Variants in SLC44A5 observed in about 807,000 individuals in gnomAD.
SLC44A5 encodes the protein solute carrier family 44 member 5.
A neutral mutation model predicts 101.8 loss-of-function variants in SLC44A5; 57 were observed. The ratio of observed to expected loss-of-function variants is 0.56; its 90% confidence interval spans 0.45 to 0.70. SLC44A5 has a LOEUF of 0.70. SLC44A5 is among the 30% of genes least tolerant of loss of function. SLC44A5 has a pLI of 0.00. For missense variants in SLC44A5, 737 were observed against 853.1 expected, an observed-to-expected ratio of 0.86 and a Z score of 1.70; for synonymous variants, 281 against 290.9, an observed-to-expected ratio of 0.97 and a Z score of 0.35.
At chr1:75,568,729 G>A (rs369156442) in intron 1 of SLC44A5, among the ~76,000 whole-genome samples, 24 of 152,132 alleles carry the variant, frequency 1.6e-4, no homozygotes, top group African/African-American at 5.1e-4. Context: ...CTGCAATAGC[G>A]TCTTCCTTAC....
At chr1:75,575,772 T>C (rs145210298) in intron 1 of SLC44A5, among the ~76,000 whole-genome samples, 5 of 152,160 alleles carry the variant, frequency 3.3e-5, no homozygotes, top group African/African-American at 4.8e-5. Flanking sequence ...GACAAAAGAA[T>C]ACCTAAACAG....
At chr1:75,218,418 G>A (rs1647006045) in intron 17 of SLC44A5, 72 bp downstream of exon 17, 4 of 1,550,256 alleles carry the variant, frequency 2.6e-6, no homozygotes, top group Non-Finnish European at 3.5e-6. Context: ...TTGAATTAAT[G>A]AGCCAAGACT....
intron 1 of SLC44A5, among the ~76,000 whole-genome samples, chr1:75,550,440 G>A (rs1671875502): frequency 6.6e-6 from 1 of 152,034 alleles, no homozygotes; most frequent in Admixed American, 6.6e-5. Flanking sequence ...TTTTGGGGGT[G>A]AGGAAGATGT....
In SLC44A5 at chr1:75,497,259, G is replaced by GA. The variant is rs1264379639; in HGVS notation, c.13+44175dup. 1.6e-4 allele frequency among the ~76,000 whole-genome samples: 25 copies of GA among 151,806 alleles called. No homozygotes were observed. The South Asian group carries it at 3.1e-3, about 19-fold the overall frequency. On this transcript the variant is annotated intron_variant, in intron 2 of 23. Transcript: ENST00000370859. ...TAAGTGTCTATAGACTGATGAATGGGAAAAAAAATTGCCGTGTGTGTGTGT... is the reference window on the plus strand; with the variant it reads ...TAAGTGTCTATAGACTGATGAATGGGAAAAAAAAATTGCCGTGTGTGTGTGT...
intron 1 of SLC44A5, among the ~76,000 whole-genome samples, chr1:75,570,243 T>G (rs912710815): frequency 8.5e-5 from 13 of 152,094 alleles, no homozygotes; most frequent in Non-Finnish European, 1.5e-4. Context: ...AATGACAGGA[T>G]GTAAGTAACT....
rs200770805 is a variant in SLC44A5 at position 75,387,045 on chromosome 1, A to C, written c.52+9538T>G. 3.3e-5 allele frequency among the ~76,000 whole-genome samples: 5 copies of C among 152,108 alleles called. No individual in the cohort carries two copies. In the East Asian group the frequency reaches 9.6e-4, roughly 29 times the overall value. On this transcript the variant is annotated intron_variant, in intron 3 of 23. Coordinates refer to ENST00000370859, the MANE Select transcript of SLC44A5 (RefSeq NM_001130058.2). Reference sequence around the variant, plus strand: ...AAACTGGATCCCTTCCTTACACCTTATACAAAAATCAATTCAAGATGGATT... The same window carrying C: ...AAACTGGATCCCTTCCTTACACCTTCTACAAAAATCAATTCAAGATGGATT...
At chr1:75,366,393 C>T (rs1018142389) in intron 3 of SLC44A5, among the ~76,000 whole-genome samples, 1 of 152,100 alleles carries the variant, frequency 6.6e-6, no homozygotes, top group African/African-American at 2.4e-5. Flanking sequence ...CCATTGGCAG[C>T]CTCATTAAAG....
chr1:75,624,696 C>A, the SLC44A5 span, among the ~76,000 whole-genome samples: 1 of 152,114 alleles, frequency 6.6e-6, no homozygotes. Flanking sequence ...AGCTAAACTT[C>A]TTCCACTAGA....
chr1:75,682,335 C>A, the SLC44A5 span, among the ~76,000 whole-genome samples: 24 of 152,096 alleles, frequency 1.6e-4, no homozygotes, highest in Admixed American at 5.2e-4. Flanking sequence ...GGAGGCATCA[C>A]ACTACCTGAC....
intron 5 of SLC44A5, among the ~76,000 whole-genome samples, chr1:75,292,063 A>G (rs543328469): frequency 4.3e-4 from 65 of 151,850 alleles, no homozygotes; most frequent in African/African-American, 1.6e-3. Flanking sequence ...AATTTCAGAT[A>G]TGGATGGAGA....
At chr1:75,425,418 C>T (rs1235095759) in intron 2 of SLC44A5, among the ~76,000 whole-genome samples, 1 of 152,120 alleles carries the variant, frequency 6.6e-6, no homozygotes, top group Non-Finnish European at 1.5e-5. Flanking sequence ...GGCAGATGGT[C>T]GATAAAGCTG....
At chr1:75,541,539 G>T in intron 1 of SLC44A5, 23 bp from the exon 2 acceptor site, 6 of 1,548,174 alleles carry the variant, frequency 3.9e-6, no homozygotes, top group Non-Finnish European at 5.3e-6. Context: ...CAAGTATGAA[G>T]ATAGTTACCT....
intron 2 of SLC44A5, among the ~76,000 whole-genome samples, chr1:75,537,100 TCTTATCTATGA>T (rs1671097659): frequency 6.8e-6 from 1 of 147,238 alleles, no homozygotes; most frequent in African/African-American, 2.5e-5. Flanking sequence ...CATGCCAGTG[TCTTATCTATGA>T]AACTGTTGTT....
chr1:75,240,939 A>C (rs927918456), intron 9 of SLC44A5, among the ~76,000 whole-genome samples: 5 of 151,950 alleles, frequency 3.3e-5, no homozygotes, highest in African/African-American at 9.7e-5. Context: ...GTTTGTTTTA[A>C]TTTATACATG....
At chr1:75,250,192 C>A (rs1054241425) in intron 7 of SLC44A5, among the ~76,000 whole-genome samples, 1 of 152,020 alleles carries the variant, frequency 6.6e-6, no homozygotes, top group African/African-American at 2.4e-5. Context: ...CTGTTGTTCC[C>A]CTCTTTGTGT....
intron 2 of SLC44A5, among the ~76,000 whole-genome samples, chr1:75,416,667 G>T (rs1280676728): frequency 1.3e-5 from 2 of 152,208 alleles, no homozygotes; most frequent in Non-Finnish European, 2.9e-5. Context: ...CGGGAAGAAG[G>T]CTGTACCCTG....
In SLC44A5 at chr1:75,243,019, C is replaced by A. The variant is rs768236505; in HGVS notation, c.346-8G>T. 5 of 1,608,514 alleles carry A rather than the reference C, an allele frequency of 3.1e-6. No individual in the cohort carries two copies. The highest frequency in any genetic ancestry group is 1.1e-5 in the South Asian group (1 of 90,034). On this transcript the variant is annotated splice_polypyrimidine_tract_variant and splice_region_variant and intron_variant, in intron 7 of 23. Coordinates refer to ENST00000370859, the MANE Select transcript of SLC44A5 (RefSeq NM_001130058.2). Reference sequence around the variant, plus strand: ...GCACTTGGAGACACAGATCTGTGAACGAACAAAGTGATGAGAACTGAACTG... The same window carrying A: ...GCACTTGGAGACACAGATCTGTGAAAGAACAAAGTGATGAGAACTGAACTG...
intron 2 of SLC44A5, among the ~76,000 whole-genome samples, chr1:75,525,991 C>A (rs975642881): frequency 6.6e-6 from 1 of 152,120 alleles, no homozygotes; most frequent in Non-Finnish European, 1.5e-5. Flanking sequence ...CAAAAAGGTA[C>A]GTTTAATGTA....
chr1:75,224,039 A>G lies in SLC44A5; in HGVS notation c.986-1579T>C, dbSNP rs74386328. ...CTCAAAATAATTACATTAGAGAAAT[A>G]TAACTGTCTTTTGAACTTACATACA... On this transcript the variant is annotated intron_variant, in intron 13 of 23. Transcript: ENST00000370859. 1.4e-4 allele frequency among the ~76,000 whole-genome samples: 22 copies of G among 152,344 alleles called. No individual in the cohort carries two copies. The East Asian group carries it at 3.7e-3, about 25-fold the overall frequency.
Sources: allele counts gnomAD v4.1 joint callset (sites outside exome capture counted in the v4.1 genomes callset), GRCh38; gene constraint gnomAD v4.1.1; transcripts MANE v1.5; gene names NCBI Gene and HGNC (gene_info 2026-07-23, HGNC 2026-07-21).